The following CLIC5 variants were observed in gnomAD, a reference collection of about 807,000 sequenced individuals.
CLIC5 encodes the protein CLIC family member 5.
In CLIC5, 20 loss-of-function variants were observed where a neutral mutation model predicts 24.7. The ratio of observed to expected loss-of-function variants is 0.81; its 90% CI spans 0.57 to 1.18. CLIC5 has a LOEUF of 1.18. Among genes scored for constraint, CLIC5 ranks in the 50% most tolerant of loss-of-function variants. CLIC5 has a pLI of 0.00. For synonymous variants in CLIC5, 159 were observed against 135.6 expected (o/e 1.17, Z -1.20); for missense variants, 341 against 326.1 (o/e 1.05, Z -0.35).
chr6:46,030,184 C>T (rs1311465073), intron 1 of CLIC5, among the ~76,000 whole-genome samples: 5 of 152,196 alleles, frequency 3.3e-5, no homozygotes, highest in Non-Finnish European at 5.9e-5. Flanking sequence ...AGATAGTGCA[C>T]TACCAATTTC....
intron 1 of CLIC5, among the ~76,000 whole-genome samples, chr6:45,991,794 A>C (rs1765951178): frequency 6.6e-6 from 1 of 152,172 alleles, no homozygotes; most frequent in South Asian, 2.1e-4. Flanking sequence ...TAGTAGAAAG[A>C]GAGGTTAATG....
chr6:45,960,039 C>A (rs753773358), intron 1 of CLIC5, among the ~76,000 whole-genome samples: 6 of 152,000 alleles, frequency 3.9e-5, no homozygotes, highest in Non-Finnish European at 7.4e-5. Flanking sequence ...GAGAAGCATA[C>A]CATATTGATA....
intron 1 of CLIC5, among the ~76,000 whole-genome samples, chr6:45,964,505 G>A (rs550287204): frequency 6.6e-6 from 1 of 152,254 alleles, no homozygotes; most frequent in East Asian, 1.9e-4. Context: ...TACAGCTTCT[G>A]CCTGTGTCTC....
At chr6:46,015,968 A>C (rs2127446687), upstream of CLIC5, 1 of 899,754 alleles carries the variant, frequency 1.1e-6, no homozygotes, top group Non-Finnish European at 1.3e-6. Context: ...GGGCCGGGCC[A>C]CGGCCCCCCG....
chr6:45,955,246 T>C lies in CLIC5; in HGVS notation c.64-2A>G, dbSNP rs1344827264. ...GATGCTTTCTCCATCGATTCCAGCC[T>C]GGAAAGAAGAGAACCAGTGTCCTGA... On this transcript the variant is annotated splice_acceptor_variant, in intron 1 of 5. Coordinates refer to ENST00000339561, the MANE Select transcript of CLIC5 (RefSeq NM_016929.5). LOFTEE classifies it high-confidence loss of function. 1.2e-6 allele frequency: 2 copies of C among 1,611,862 alleles called. No individual in the cohort carries two copies. Among genetic ancestry groups the C allele is most frequent in the South Asian group, 1.1e-5 (1 of 90,954 alleles).
chr6:45,910,971 T>C (rs1762799013), intron 5 of CLIC5, among the ~76,000 whole-genome samples: 1 of 152,154 alleles, frequency 6.6e-6, no homozygotes, highest in African/African-American at 2.4e-5. Flanking sequence ...CACTTCATCA[T>C]ACCCACGCAG....
intron 6 of CLIC5, chr6:45,881,241 G>A: frequency 2.5e-6 from 1 of 398,142 alleles, no homozygotes; most frequent in East Asian, 3.6e-5. Flanking sequence ...AATGGGCCAA[G>A]AGGTTACATA....
chr6:45,948,878 AG>A (rs1195517255), intron 3 of CLIC5, among the ~76,000 whole-genome samples: 4 of 150,686 alleles, frequency 2.7e-5, no homozygotes, highest in African/African-American at 9.7e-5. Flanking sequence ...TCATTCTGTC[AG>A]GCTTTCGGCT....
At chr6:46,110,461 T>C in the CLIC5 span, among the ~76,000 whole-genome samples, 1 of 152,244 alleles carries the variant, frequency 6.6e-6, no homozygotes, top group Admixed American at 6.5e-5. Context: ...ATAATTTCAA[T>C]AAGAATCTGT....
rs182310673 is a variant in CLIC5 at position 45,923,578 on chromosome 6, A to G, written c.407-9169T>C. On this transcript the variant is annotated intron_variant, in intron 4 of 5. Coordinates refer to ENST00000339561, the MANE Select transcript of CLIC5 (RefSeq NM_016929.5). ...CCATTCTTTTATTTGTTAAACAGGC[A>G]TCTATTCGGTGCCCACTGTGGGCCA... Among the ~76,000 whole-genome samples, 404 of 152,348 alleles carry G rather than the reference A, an allele frequency of 2.7e-3. 2 individuals are homozygous for G. Among genetic ancestry groups the G allele is most frequent in the African/African-American group, 9.4e-3 (391 of 41,586 alleles).
Position 45,914,221 on chromosome 6 carries a change from C to G in CLIC5, c.588+7G>C, listed in dbSNP as rs1480163795. ...CTTGCAGGCCCCTGTGGGTAGAGCTCTCTTACCTTGACCACATGGAGCTTG... is the reference window on the plus strand; with the variant it reads ...CTTGCAGGCCCCTGTGGGTAGAGCTGTCTTACCTTGACCACATGGAGCTTG... On this transcript the variant is annotated splice_region_variant and intron_variant, in intron 5 of 5. Transcript: ENST00000339561. 2 of 1,579,394 alleles carry G rather than the reference C, an allele frequency of 1.3e-6. No individual in the cohort carries two copies. The highest frequency in any genetic ancestry group is 1.7e-5 in the Admixed American group (1 of 58,262).
At chr6:45,972,087 C>G (rs1214397936) in intron 1 of CLIC5, among the ~76,000 whole-genome samples, 1 of 152,152 alleles carries the variant, frequency 6.6e-6, no homozygotes, top group Non-Finnish European at 1.5e-5. Flanking sequence ...AAGGGCAGAA[C>G]AGAAACAAGG....
chr6:45,903,585 C>G (rs151324569), intron 5 of CLIC5, among the ~76,000 whole-genome samples: 1 of 152,050 alleles, frequency 6.6e-6, no homozygotes, highest in East Asian at 1.9e-4. Flanking sequence ...TGGTGCACAG[C>G]GCCAAAGTCC....
the CLIC5 span, among the ~76,000 whole-genome samples, chr6:46,112,359 T>C: frequency 2.0e-5 from 3 of 152,226 alleles, no homozygotes; most frequent in African/African-American, 7.2e-5. Flanking sequence ...CTGTGAGTTT[T>C]ATTATATAAC....
At chr6:45,923,165 T>C (rs1763344466) in intron 4 of CLIC5, among the ~76,000 whole-genome samples, 1 of 152,230 alleles carries the variant, frequency 6.6e-6, no homozygotes, top group African/African-American at 2.4e-5. Flanking sequence ...TGATTGTAGT[T>C]TATGTGGCCA....
chr6:45,965,501 C>G (rs1325403274), intron 1 of CLIC5, among the ~76,000 whole-genome samples: 1 of 152,192 alleles, frequency 6.6e-6, no homozygotes, highest in African/African-American at 2.4e-5. Flanking sequence ...ATTTTCACAG[C>G]TCTTTAAGGT....
At chr6:46,128,541 C>T in the CLIC5 span, among the ~76,000 whole-genome samples, 6 of 152,154 alleles carry the variant, frequency 3.9e-5, no homozygotes, top group African/African-American at 1.4e-4. Flanking sequence ...TAATAATCCC[C>T]AAAACAACAT....
chr6:45,903,677 A>T (rs1044787150), intron 5 of CLIC5, among the ~76,000 whole-genome samples: 7 of 152,222 alleles, frequency 4.6e-5, no homozygotes, highest in African/African-American at 1.7e-4. Context: ...TGCTAAGAAA[A>T]TCTAGTGATC....
At position 45,901,321 on chromosome 6, in the gene CLIC5, T is replaced by C. The variant is rs770734665; in HGVS notation, c.*1767A>G. On this transcript the variant is annotated 3_prime_UTR_variant, in exon 6 of 6. Transcript: ENST00000339561. ...GCTTTCTCAGGCTTATAAAGTGTCC[T>C]ACTGAGAAAGTTCCTCTTCCTCAAT... is the stretch of plus-strand genomic sequence containing the variant. 12 of 152,194 alleles carry C rather than the reference T, an allele frequency of 7.9e-5. No homozygotes were observed. The highest frequency in any genetic ancestry group is 2.0e-4 in the Admixed American group (3 of 15,284). The allele number at this position is 152,194 out of a possible 1,614,324, so 9.4% of individuals were successfully genotyped here.
Sources: allele counts gnomAD v4.1 joint callset (sites outside exome capture counted in the v4.1 genomes callset), GRCh38; gene constraint gnomAD v4.1.1; transcripts MANE v1.5; gene names NCBI Gene and HGNC (gene_info 2026-07-23, HGNC 2026-07-21).